The following GPC5 variants were observed in gnomAD, a reference collection of about 807,000 sequenced individuals.
GPC5 encodes glypican-5.
A neutral mutation model predicts 53.9 loss-of-function variants in GPC5; 47 were observed. That is an observed-to-expected ratio of 0.87 (90% CI 0.69 to 1.11). The LOEUF (loss-of-function observed/expected upper bound fraction) is 1.11. Among genes scored for constraint, GPC5 ranks in the 50% most tolerant of loss-of-function variants. GPC5 has a pLI of 0.00. For missense variants in GPC5, 748 were observed against 713.1 expected (o/e 1.05, Z -0.56); for synonymous variants, 286 against 263.3 (o/e 1.09, Z -0.84).
At chr13:91,601,382 A>G (rs2033175601) in intron 2 of GPC5, among the ~76,000 whole-genome samples, 1 of 152,166 alleles carries the variant, frequency 6.6e-6, no homozygotes, top group Non-Finnish European at 1.5e-5. Flanking sequence ...ATAAGATTAG[A>G]GATAAAATAA....
intron 2 of GPC5, among the ~76,000 whole-genome samples, chr13:91,675,302 T>C (rs947307546): frequency 1.3e-5 from 2 of 152,174 alleles, no homozygotes; most frequent in Non-Finnish European, 1.5e-5. Flanking sequence ...TTTGACAAAT[T>C]GATTTCACAA....
chr13:91,854,359 A>G (rs1348686341), intron 5 of GPC5, among the ~76,000 whole-genome samples: 1 of 151,824 alleles, frequency 6.6e-6, no homozygotes, highest in Non-Finnish European at 1.5e-5. Flanking sequence ...TTGGGTCTGC[A>G]TCCCCTCAAG....
intron 2 of GPC5, among the ~76,000 whole-genome samples, chr13:91,652,849 T>C (rs949737507): frequency 1.3e-5 from 2 of 152,170 alleles, no homozygotes; most frequent in African/African-American, 4.8e-5. Flanking sequence ...GTTGATCGTT[T>C]ACTTTAGGAA....
Position 91,399,003 on chromosome 13 carries a change from CGAGTGGGGT to C in GPC5, c.-43_-35del. 1 of 1,532,456 alleles carries C rather than the reference CGAGTGGGGT, an allele frequency of 6.5e-7. No individual in the cohort carries two copies. The highest frequency in any genetic ancestry group is 8.8e-7 in the Non-Finnish European group (1 of 1,135,310). 94.9% of individuals were successfully genotyped at this position (1,532,456 alleles called of 1,614,324 possible). On this transcript the variant is annotated 5_prime_UTR_variant, in exon 1 of 8. Coordinates refer to ENST00000377067, the MANE Select transcript of GPC5 (RefSeq NM_004466.6). Reference sequence around the variant, plus strand: ...TGCAGCTCAGCCAGGGCGCGCAGGGCGAGTGGGGTCCACTGGCGGGTAAAGGGGACCAGG... The same window carrying C: ...TGCAGCTCAGCCAGGGCGCGCAGGGCCCACTGGCGGGTAAAGGGGACCAGG...
chr13:92,745,926 T>C (rs906834424), intron 7 of GPC5, among the ~76,000 whole-genome samples: 4 of 152,134 alleles, frequency 2.6e-5, no homozygotes, highest in Non-Finnish European at 5.9e-5. Context: ...TTCCTTTTTA[T>C]GGAATTGTAT....
chr13:91,595,011 T>TTTAA (rs1262177643), intron 2 of GPC5, among the ~76,000 whole-genome samples: 1 of 148,008 alleles, frequency 6.8e-6, no homozygotes, highest in Non-Finnish European at 1.5e-5. Context: ...TATTTATTTA[T>TTTAA]TTATTTATTT....
chr13:91,692,882 G>A (rs578080952), intron 2 of GPC5, among the ~76,000 whole-genome samples: 2 of 152,324 alleles, frequency 1.3e-5, no homozygotes, highest in East Asian at 3.9e-4. Context: ...ACCCTCAGGT[G>A]ATCCACCTCC....
chr13:92,074,493 T>C (rs2041237267), intron 6 of GPC5, among the ~76,000 whole-genome samples: 3 of 152,200 alleles, frequency 2.0e-5, no homozygotes. Context: ...GGGGGAGCTG[T>C]GAATATTCCA....
At chr13:91,553,875 A>G (rs554083455) in intron 2 of GPC5, among the ~76,000 whole-genome samples, 1 of 152,240 alleles carries the variant, frequency 6.6e-6, no homozygotes, top group South Asian at 2.1e-4. Flanking sequence ...TATATTTAAT[A>G]TAGCCCAAAA....
At chr13:91,507,611 G>C (rs905623759) in intron 2 of GPC5, among the ~76,000 whole-genome samples, 1 of 152,140 alleles carries the variant, frequency 6.6e-6, no homozygotes, top group Non-Finnish European at 1.5e-5. Flanking sequence ...CCCACAACAC[G>C]TGGAAATTAT....
At chr13:92,291,843 G>A (rs1308596039) in intron 7 of GPC5, among the ~76,000 whole-genome samples, 1 of 152,028 alleles carries the variant, frequency 6.6e-6, no homozygotes, top group Non-Finnish European at 1.5e-5. Context: ...TGCCTTAAGA[G>A]CTGTAACACT....
intron 7 of GPC5, among the ~76,000 whole-genome samples, chr13:92,831,971 T>TA (rs1335745389): frequency 4.6e-5 from 7 of 152,306 alleles, no homozygotes; most frequent in African/African-American, 1.7e-4. Context: ...AATGTACAGG[T>TA]ATATGGGCTT....
At chr13:92,256,532 C>A (rs1045870999) in intron 7 of GPC5, among the ~76,000 whole-genome samples, 1 of 151,992 alleles carries the variant, frequency 6.6e-6, no homozygotes, top group Non-Finnish European at 1.5e-5. Flanking sequence ...TACTTTAGAG[C>A]ATTTTTGTAC....
intron 7 of GPC5, among the ~76,000 whole-genome samples, chr13:92,279,831 C>G (rs1449625141): frequency 6.6e-6 from 1 of 152,072 alleles, no homozygotes; most frequent in Non-Finnish European, 1.5e-5. Context: ...TTTTGTTGAG[C>G]ATTTTTGCAT....
At chr13:91,743,116 A>G (rs191980984) in intron 4 of GPC5, among the ~76,000 whole-genome samples, 34 of 152,226 alleles carry the variant, frequency 2.2e-4, no homozygotes, top group Admixed American at 4.6e-4. Flanking sequence ...CTTATCTAAT[A>G]TATCTAAGAG....
At chr13:92,516,644 C>T (rs1880794771) in intron 7 of GPC5, among the ~76,000 whole-genome samples, 1 of 152,144 alleles carries the variant, frequency 6.6e-6, no homozygotes, top group Non-Finnish European at 1.5e-5. Flanking sequence ...AGCCTAGGAA[C>T]GTCCTTGTTT....
chr13:91,850,578 C>T (rs2038901495), intron 5 of GPC5, among the ~76,000 whole-genome samples: 1 of 152,038 alleles, frequency 6.6e-6, no homozygotes, highest in Non-Finnish European at 1.5e-5. Context: ...AGGGATGTCT[C>T]TAGATTACAG....
At chr13:92,089,613 G>A (rs1203564681) in intron 6 of GPC5, among the ~76,000 whole-genome samples, 1 of 151,976 alleles carries the variant, frequency 6.6e-6, no homozygotes, top group Non-Finnish European at 1.5e-5. Flanking sequence ...AAATCTTACA[G>A]TAAAGCAGTA....
intron 5 of GPC5, among the ~76,000 whole-genome samples, chr13:91,861,143 A>G (rs1480739616): frequency 1.3e-5 from 2 of 152,154 alleles, no homozygotes; most frequent in Non-Finnish European, 2.9e-5. Flanking sequence ...CATTTGGCCT[A>G]TGTTGGTGAT....
Sources: gnomAD v4.1 joint callset for allele counts (sites outside exome capture counted in the v4.1 genomes callset) on GRCh38, gnomAD v4.1.1 for gene constraint, MANE v1.5 for transcripts, NCBI Gene and HGNC (gene_info 2026-07-23, HGNC 2026-07-21) for gene names.